The following C11orf16 variants were observed in gnomAD, a reference collection of about 807,000 sequenced individuals.
C11orf16 encodes chromosome 11 open reading frame 16.
In C11orf16, 38 loss-of-function variants were observed where a neutral mutation model predicts 45.1. The ratio of observed to expected loss-of-function variants is 0.84; its 90% CI spans 0.65 to 1.10. The LOEUF (loss-of-function observed/expected upper bound fraction) is 1.10. Among genes scored for constraint, C11orf16 ranks in the 50% least tolerant of loss-of-function variants. The probability of loss-of-function intolerance (pLI) is 0.00; values close to 1 mark genes in which losing one functional copy is unlikely to be tolerated. For missense variants in C11orf16, 583 were observed against 569.5 expected, an observed-to-expected ratio of 1.02 and a Z score of -0.24; for synonymous variants, 221 against 222.0, an observed-to-expected ratio of 1.00 and a Z score of 0.04.
At chr11:8,922,278 T>G (rs2064580621) in intron 5 of C11orf16, among the ~76,000 whole-genome samples, 1 of 151,696 alleles carries the variant, frequency 6.6e-6, no homozygotes, top group African/African-American at 2.4e-5. Flanking sequence ...GAGGCTGAGG[T>G]GGGAGGATTG....
chr11:8,924,403 A>G (rs1290651406), intron 5 of C11orf16, among the ~76,000 whole-genome samples: 2 of 152,106 alleles, frequency 1.3e-5, no homozygotes, highest in African/African-American at 2.4e-5. Context: ...GCATGCACCT[A>G]TAATCCCAGC....
In C11orf16 at chr11:8,920,469, T is replaced by A. The variant is rs891601377; in HGVS notation, c.*23-19A>T. ...TCTTTACCTATAAAAGGGGGAAAAA[T>A]TCCATACATTGTTATGCTGACTGCA... On this transcript the variant is annotated intron_variant, in intron 6 of 6. Transcript: ENST00000326053. 1 of 669,176 alleles carries A rather than the reference T, an allele frequency of 1.5e-6. No homozygotes were observed. Among genetic ancestry groups the A allele is most frequent in the South Asian group, 1.6e-5 (1 of 61,606 alleles). 41.5% of individuals were successfully genotyped at this position (669,176 alleles called of 1,614,324 possible). A position where few individuals can be genotyped will look rare whatever the true frequency, so the allele number is the denominator to read the frequency against.
intron 2 of C11orf16, among the ~76,000 whole-genome samples, chr11:8,931,526 A>T (rs2064650278): frequency 6.6e-6 from 1 of 152,132 alleles, no homozygotes; most frequent in Non-Finnish European, 1.5e-5. Context: ...AGTAGCTGGG[A>T]TTACAGTCAC....
intron 1 of C11orf16, among the ~76,000 whole-genome samples, 178 bp downstream of exon 1, chr11:8,932,723 G>A (rs2064658137): frequency 6.6e-6 from 1 of 152,126 alleles, no homozygotes; most frequent in South Asian, 2.1e-4. Context: ...CACCTACAAG[G>A]CTAGTTCTGG....
rs758902934 is a variant in C11orf16, at chr11:8,926,023, A to G, written c.644T>C (p.Leu215Pro). 32 of 1,614,014 alleles carry G rather than the reference A, an allele frequency of 2.0e-5. No individual in the cohort carries two copies. The highest frequency in any genetic ancestry group is 8.0e-5 in the African/African-American group (6 of 74,938). The change falls in exon 5 of 7, where the codon CTG (leucine) becomes CCG (proline). Residue 215 changes from leucine (L) to proline (P), a missense_variant. Physicochemically the swap from Leu to Pro is moderately conservative, Grantham distance 98. Transcript: ENST00000326053. ...VPLGGVQSVS[L>P]TIWKKAVERL... ...CTCCACAGCCTTCTTCCAGATGGTC[A>G]GGGACACCGACTGGACCCCACCTAG... is the stretch of plus-strand genomic sequence containing the variant.
At chr11:8,929,591 G>T in intron 2 of C11orf16, 58 bp from the exon 3 acceptor site, 1 of 1,479,392 alleles carries the variant, frequency 6.8e-7, no homozygotes. Context: ...AACACATCAA[G>T]AAACACGTTT....
At chr11:8,924,529 A>AAACAACAAC (rs372748329) in intron 5 of C11orf16, among the ~76,000 whole-genome samples, 2 of 151,486 alleles carry the variant, frequency 1.3e-5, no homozygotes, top group Admixed American at 6.6e-5. Context: ...CTTTGTCTCA[A>AAACAACAAC]AACAACAACA....
chr11:8,928,936 AG>A (rs1210439322), intron 3 of C11orf16: 1 of 161,588 alleles, frequency 6.2e-6, no homozygotes, highest in African/African-American at 2.4e-5. Flanking sequence ...GTCCTTATAA[AG>A]GGGGAAATGT....
intron 5 of C11orf16, 102 bp downstream of exon 5, chr11:8,925,361 C>G (rs965419457): frequency 3.4e-5 from 36 of 1,068,574 alleles, no homozygotes; most frequent in Admixed American, 1.8e-4. Context: ...GCAGTCCCAA[C>G]AGAGTGGACA....
Position 8,927,184 on chromosome 11 carries a change from A to G in C11orf16, c.325-10T>C, listed in dbSNP as rs769061344. On this transcript the variant is annotated splice_polypyrimidine_tract_variant and intron_variant, in intron 3 of 6. Transcript: ENST00000326053. ...CCCCCTGTCTCTCCAGCTGTGGGAAAGAAAACACTCAGAATAAGACCTGGC... is the reference window on the plus strand; with the variant it reads ...CCCCCTGTCTCTCCAGCTGTGGGAAGGAAAACACTCAGAATAAGACCTGGC... 2.5e-6 allele frequency: 4 copies of G among 1,604,762 alleles called. No homozygotes were observed. The African/African-American group carries it at 4.0e-5, about 16-fold the overall frequency.
chr11:8,929,254 GC>G (rs1247707703), intron 3 of C11orf16, 122 bp downstream of exon 3: 1 of 1,000,754 alleles, frequency 1.0e-6, no homozygotes, highest in Non-Finnish European at 1.5e-6. Context: ...CTACAACATG[GC>G]CATGGGAGAG....
intron 1 of C11orf16, 114 bp from the exon 2 acceptor site, chr11:8,932,440 G>A: frequency 1.2e-6 from 1 of 813,734 alleles, no homozygotes; most frequent in Non-Finnish European, 1.8e-6. Flanking sequence ...TTGAGTCCAT[G>A]CACGGCCCTA....
chr11:8,922,849 T>C (rs1018689145), intron 5 of C11orf16, among the ~76,000 whole-genome samples: 1 of 152,198 alleles, frequency 6.6e-6, no homozygotes, highest in Admixed American at 6.5e-5. Context: ...ACCCTGGTTT[T>C]CTGTGCTTCT....
intron 1 of C11orf16, 27 bp from the exon 2 acceptor site, chr11:8,932,353 A>T (rs2064655835): frequency 2.0e-6 from 3 of 1,522,690 alleles, no homozygotes; most frequent in Non-Finnish European, 2.6e-6. Flanking sequence ...CCATTACCTG[A>T]GCTGCAGCTT....
Position 8,929,433 on chromosome 11 carries a change from C to G in C11orf16, c.268G>C (p.Ala90Pro), listed in dbSNP as rs760200998. The change falls in exon 3 of 7, where the codon GCA (alanine) becomes CCA (proline). Residue 90 changes from alanine (A) to proline (P), a missense_variant. Ala to Pro is a conservative substitution (Grantham distance 27). Transcript: ENST00000326053. ...AGDAANTWVL[A>P]RREADGFYYR... ...TAAAAACCATCTGCTTCCCTTCTTG[C>G]TAGGACCCATGTGTTGGCAGCATCT... The G allele has an allele frequency of 6.2e-7, 1 of 1,614,152 alleles. No individual in the cohort carries two copies. The highest frequency in any genetic ancestry group is 8.5e-7 in the Non-Finnish European group (1 of 1,180,022).
chr11:8,929,603 G>C, intron 2 of C11orf16, 70 bp from the exon 3 acceptor site: 1 of 1,402,280 alleles, frequency 7.1e-7, no homozygotes, highest in East Asian at 2.4e-5. Flanking sequence ...AACACGTTTC[G>C]CAGGTACATC....
chr11:8,927,124 T>C lies in C11orf16; in HGVS notation c.375A>G (p.Ala125=), dbSNP rs760968511. 15 of 1,614,006 alleles carry C rather than the reference T, an allele frequency of 9.3e-6. No homozygotes were observed. The highest frequency in any genetic ancestry group is 1.3e-5 in the Non-Finnish European group (15 of 1,180,012). Residue 125 remains alanine (A), a synonymous_variant, in exon 4 of 7, where the codon GCA becomes GCG. Coordinates refer to ENST00000326053, the MANE Select transcript of C11orf16 (RefSeq NM_020643.3). The part of the protein sequence containing the change: ...LLVEFEAPLV[A]GPKLPAQQQR... ...GCTGCTGGGCTGGCAGCTTTGGGCC[T>C]GCGACAAGAGGAGCCTCGAATTCCA... is the stretch of plus-strand genomic sequence containing the variant.
Position 8,926,107 on chromosome 11 carries a change from GC to G in C11orf16, c.560-1del, listed in dbSNP as rs754644463. 1 of 1,558,058 alleles carries G rather than the reference GC, an allele frequency of 6.4e-7. No individual in the cohort carries two copies. The highest frequency in any genetic ancestry group is 2.0e-5 in the Admixed American group (1 of 49,536). ...AACAGTGATTTCTTTTTCCTTTGAT[GC>G]TACATAACAAAAAATGGCAACATTT... On this transcript the variant is annotated splice_acceptor_variant, in intron 4 of 6. Transcript: ENST00000326053. LOFTEE classifies it high-confidence loss of function.
chr11:8,926,888 A>T, intron 4 of C11orf16, 52 bp downstream of exon 4: 1 of 1,482,282 alleles, frequency 6.7e-7, no homozygotes, highest in Non-Finnish European at 9.4e-7. Context: ...CTCTGGCCTG[A>T]TTACAGCCTG....
Sources: allele counts gnomAD v4.1 joint callset (sites outside exome capture counted in the v4.1 genomes callset), GRCh38; gene constraint gnomAD v4.1.1; transcripts MANE v1.5; gene names NCBI Gene and HGNC (gene_info 2026-07-23, HGNC 2026-07-21).